The following PTPRT variants were observed in gnomAD, a reference collection of about 807,000 sequenced individuals.
PTPRT encodes protein tyrosine phosphatase receptor type T, also known as receptor-type tyrosine-protein phosphatase T.
A neutral mutation model predicts 176.8 loss-of-function variants in PTPRT; 56 were observed. That is an observed-to-expected ratio of 0.32 (90% confidence interval 0.26 to 0.40). The LOEUF (loss-of-function observed/expected upper bound fraction) is 0.40, where lower values mean the gene tolerates loss of function less well. Among genes scored for constraint, PTPRT ranks in the 10% least tolerant of loss-of-function variants. PTPRT has a pLI of 1.00. For synonymous variants in PTPRT, 783 were observed against 739.0 expected (o/e 1.06, Z -0.96); for missense variants, 1,540 against 1,908.2 (o/e 0.81, Z 3.60).
chr20:43,100,069 T>A (rs2012329098), intron 1 of PTPRT, among the ~76,000 whole-genome samples: 1 of 152,204 alleles, frequency 6.6e-6, no homozygotes, highest in South Asian at 2.1e-4. Context: ...AACCCCTTTA[T>A]AAATTCAAGA....
intron 7 of PTPRT, among the ~76,000 whole-genome samples, chr20:42,578,521 CA>C (rs746455122): frequency 1.3e-5 from 2 of 152,112 alleles, no homozygotes; most frequent in Non-Finnish European, 2.9e-5. Context: ...TGATCTTCCC[CA>C]ATAAACCTGC....
chr20:42,664,970 AT>A (rs1227691369), intron 7 of PTPRT, among the ~76,000 whole-genome samples: 1 of 152,368 alleles, frequency 6.6e-6, no homozygotes. Context: ...AAAGACTTAA[AT>A]GTTAGATCTA....
chr20:42,364,005 A>G (rs2058479480), intron 9 of PTPRT, among the ~76,000 whole-genome samples: 1 of 152,142 alleles, frequency 6.6e-6, no homozygotes, highest in African/African-American at 2.4e-5. Context: ...AGGCAGAGAG[A>G]GCTTTTGAGT....
At position 42,863,489 on chromosome 20, in the gene PTPRT, G is replaced by A. The variant is rs535446006; in HGVS notation, c.214+22318C>T. Among the ~76,000 whole-genome samples, 42 of 152,288 alleles carry A rather than the reference G, an allele frequency of 2.8e-4. 2 individuals carry two copies. In the South Asian group the frequency reaches 6.4e-3, roughly 23 times the overall value. On this transcript the variant is annotated intron_variant, in intron 2 of 30. Coordinates refer to ENST00000373187, the MANE Select transcript of PTPRT (RefSeq NM_007050.6). The stretch of plus-strand genomic sequence containing the variant: ...AATGCAGATGTTTTCTTCCTCTTTA[G>A]AACAAGAGTCAAGCCATAGTGATGT...
intron 3 of PTPRT, among the ~76,000 whole-genome samples, chr20:42,787,977 C>T (rs568421297): frequency 1.3e-5 from 2 of 152,122 alleles, no homozygotes; most frequent in South Asian, 2.1e-4. Context: ...AATTCTGACA[C>T]ATATCTGACA....
At chr20:42,327,631 C>T (rs2145423039) in intron 11 of PTPRT, among the ~76,000 whole-genome samples, 1 of 152,152 alleles carries the variant, frequency 6.6e-6, no homozygotes, top group East Asian at 1.9e-4. Flanking sequence ...TGGCAAAATG[C>T]TTATGACTGG....
chr20:42,411,091 G>C (rs1259390349), intron 9 of PTPRT, among the ~76,000 whole-genome samples: 1 of 152,106 alleles, frequency 6.6e-6, no homozygotes. Context: ...GAACAGAAAT[G>C]AGTGAACTTG....
chr20:43,005,510 A>C (rs1984806527), intron 1 of PTPRT, among the ~76,000 whole-genome samples: 2 of 152,044 alleles, frequency 1.3e-5, no homozygotes, highest in Non-Finnish European at 2.9e-5. Flanking sequence ...GGCCACTACA[A>C]CACCCTGCTT....
chr20:42,345,075 C>T (rs893938142), intron 11 of PTPRT, among the ~76,000 whole-genome samples: 6 of 152,124 alleles, frequency 3.9e-5, no homozygotes, highest in Admixed American at 6.6e-5. Context: ...ACAAGCTGGC[C>T]AAACACAGGC....
At chr20:42,292,738 G>A (rs1903589271) in intron 12 of PTPRT, among the ~76,000 whole-genome samples, 2 of 152,120 alleles carry the variant, frequency 1.3e-5, no homozygotes, top group Admixed American at 1.3e-4. Flanking sequence ...CAGGCTAAGT[G>A]GTTTGTGATA....
At chr20:42,233,771 A>G (rs1240558750) in intron 15 of PTPRT, among the ~76,000 whole-genome samples, 1 of 152,188 alleles carries the variant, frequency 6.6e-6, no homozygotes, top group Non-Finnish European at 1.5e-5. Flanking sequence ...TAAAATGAAT[A>G]TAATTATGGA....
intron 7 of PTPRT, among the ~76,000 whole-genome samples, chr20:42,610,684 C>A (rs548861476): frequency 6.6e-6 from 1 of 152,154 alleles, no homozygotes; most frequent in South Asian, 2.1e-4. Flanking sequence ...GGGATAACAC[C>A]CTTTGTGAGA....
chr20:42,550,599 C>T (rs1338179067), intron 7 of PTPRT, among the ~76,000 whole-genome samples: 2 of 152,064 alleles, frequency 1.3e-5, no homozygotes, highest in Non-Finnish European at 2.9e-5. Context: ...CTTGCCTAGA[C>T]ACAAATTCCG....
At chr20:42,359,941 A>G (rs1468805271) in intron 9 of PTPRT, among the ~76,000 whole-genome samples, 1 of 152,186 alleles carries the variant, frequency 6.6e-6, no homozygotes, top group Non-Finnish European at 1.5e-5. Context: ...CTGTTGTAGG[A>G]GTGGGGAAGT....
intron 7 of PTPRT, among the ~76,000 whole-genome samples, chr20:42,566,624 G>A (rs2073044478): frequency 6.6e-6 from 1 of 152,162 alleles, no homozygotes; most frequent in Non-Finnish European, 1.5e-5. Flanking sequence ...GAAATGAGCA[G>A]GACAAACTTG....
chr20:42,129,963 C>T (rs927260821), intron 18 of PTPRT, among the ~76,000 whole-genome samples: 1 of 152,162 alleles, frequency 6.6e-6, no homozygotes, highest in Non-Finnish European at 1.5e-5. Flanking sequence ...ATTGGGTTCT[C>T]ACAGTGACCC....
chr20:43,060,850 G>A (rs1381192781), intron 1 of PTPRT, among the ~76,000 whole-genome samples: 1 of 152,100 alleles, frequency 6.6e-6, no homozygotes, highest in Non-Finnish European at 1.5e-5. Flanking sequence ...AGAACTAAAG[G>A]GCACAAGGGT....
chr20:42,503,723 A>G (rs1186012951), intron 7 of PTPRT, among the ~76,000 whole-genome samples: 1 of 151,988 alleles, frequency 6.6e-6, no homozygotes, highest in Admixed American at 6.6e-5. Flanking sequence ...TTTATTTACT[A>G]GTTATTTGTC....
chr20:43,002,887 A>T (rs1984652891), intron 1 of PTPRT, among the ~76,000 whole-genome samples: 1 of 148,730 alleles, frequency 6.7e-6, no homozygotes, highest in Non-Finnish European at 1.5e-5. Context: ...TCATTAAAAA[A>T]ACAGAAAAAC....
Sources: allele counts gnomAD v4.1 joint callset (sites outside exome capture counted in the v4.1 genomes callset), GRCh38; gene constraint gnomAD v4.1.1; transcripts MANE v1.5; gene names NCBI Gene and HGNC (gene_info 2026-07-23, HGNC 2026-07-21).